BTBD10: variants seen among roughly 807,000 people sequenced by gnomAD.
BTBD10 encodes BTB/POZ domain-containing protein 10.
In BTBD10, 21 loss-of-function variants were observed where a neutral mutation model predicts 53.2. The ratio of observed to expected loss-of-function variants is 0.39; its 90% CI spans 0.28 to 0.57. The LOEUF (loss-of-function observed/expected upper bound fraction) is 0.57, where lower values mean the gene tolerates loss of function less well. Among genes scored for constraint, BTBD10 ranks in the 20% least tolerant of loss-of-function variants. The probability of loss-of-function intolerance (pLI) is 0.53; values close to 1 mark genes in which losing one functional copy is unlikely to be tolerated. For missense variants in BTBD10, 360 were observed against 594.7 expected (o/e 0.61, Z 4.10); for synonymous variants, 149 against 192.7 (o/e 0.77, Z 1.88).
intron 1 of BTBD10, among the ~76,000 whole-genome samples, chr11:13,461,346 A>T (rs1951091427): frequency 6.6e-6 from 1 of 152,176 alleles, no homozygotes; most frequent in South Asian, 2.1e-4. Flanking sequence ...GAGAATGCTG[A>T]AGATGGGGTC....
intron 2 of BTBD10, among the ~76,000 whole-genome samples, chr11:13,437,900 C>T (rs1318547550): frequency 1.3e-5 from 2 of 152,090 alleles, no homozygotes; most frequent in East Asian, 3.8e-4. Context: ...TAAGGTGTTG[C>T]ATGCAGTTCC....
At chr11:13,406,389 T>C (rs1380544411) in intron 6 of BTBD10, among the ~76,000 whole-genome samples, 1 of 152,190 alleles carries the variant, frequency 6.6e-6, no homozygotes, top group Non-Finnish European at 1.5e-5. Flanking sequence ...ACAACTTCAA[T>C]TTCCTAAATG....
In BTBD10 at chr11:13,419,718, C is replaced by T. The variant is rs770677253; in HGVS notation, c.326G>A (p.Arg109His). The T allele has an allele frequency of 4.4e-6, 7 of 1,602,366 alleles. No individual in the cohort carries two copies. Among genetic ancestry groups the T allele is most frequent in the Non-Finnish European group, 6.0e-6 (7 of 1,174,498 alleles). Residue 109 changes from arginine to histidine, a missense_variant, in exon 4 of 9, where the codon CGT becomes CAT. Arg to His is a conservative substitution (Grantham distance 29). Coordinates refer to ENST00000278174, the MANE Select transcript of BTBD10 (RefSeq NM_032320.7). Reference sequence around the variant, plus strand: ...TTTTTGAGGACGCGGACTGCTTGGACGAGAGGAACTGTGATCTTTTTCTCG... The same window carrying T: ...TTTTTGAGGACGCGGACTGCTTGGATGAGAGGAACTGTGATCTTTTTCTCG... ...VEREKDHSSS[R>H]PSSPRPQKAS...
In BTBD10 at chr11:13,389,067, T is replaced by A; in HGVS notation, c.1192A>T (p.Arg398Ter). ...RPEVIYNYVQRPFIRMSWEKE... is the reference protein window; with the variant it reads ...RPEVIYNYVQ ...TCCCAGGACATTCGAATAAAGGGTC[T>A]TTGGACATAGTTGTAGATCACTTCT... Residue 398 changes from arginine to a stop codon, truncating the protein, a stop_gained, in exon 9 of 9, where the codon AGA becomes TGA. Transcript: ENST00000278174. LOFTEE classifies it high-confidence loss of function. The A allele has an allele frequency of 6.2e-7, 1 of 1,614,142 alleles. No individual in the cohort carries two copies. The highest frequency in any genetic ancestry group is 8.5e-7 in the Non-Finnish European group (1 of 1,180,038).
chr11:13,407,501 TG>T (rs1176770805), intron 6 of BTBD10, among the ~76,000 whole-genome samples: 1 of 150,312 alleles, frequency 6.7e-6, no homozygotes, highest in Non-Finnish European at 1.5e-5. Context: ...AGCACAGTGC[TG>T]GGCATATAAT....
At position 13,419,324 on chromosome 11, in the gene BTBD10, C is replaced by T. The variant is rs150755206; in HGVS notation, c.584+136G>A. 10 of 1,178,510 alleles carry T rather than the reference C, an allele frequency of 8.5e-6. No homozygotes were observed. The East Asian group carries it at 2.6e-4, about 31-fold the overall frequency. The allele number at this position is 1,178,510 out of a possible 1,614,324, so 73.0% of individuals were successfully genotyped here. On this transcript the variant is annotated intron_variant, in intron 4 of 8. Transcript: ENST00000278174. Reference sequence around the variant, plus strand: ...TAACTTGGGACAAGTAATTTAGCCTCCAAAGCTCAGTTCTTTCATCTGTAA... The same window carrying T: ...TAACTTGGGACAAGTAATTTAGCCTTCAAAGCTCAGTTCTTTCATCTGTAA...
intron 2 of BTBD10, 134 bp from the exon 3 acceptor site, chr11:13,421,972 C>T (rs1950250384): frequency 9.0e-6 from 6 of 663,102 alleles, no homozygotes; most frequent in Non-Finnish European, 7.0e-6. Context: ...AATTCTGAAA[C>T]CTAATTTACC....
chr11:13,409,571 G>T (rs1054650638), intron 6 of BTBD10, among the ~76,000 whole-genome samples: 1 of 151,538 alleles, frequency 6.6e-6, no homozygotes, highest in African/African-American at 2.4e-5. Flanking sequence ...CTTTTTTTGA[G>T]TACCCTAAAT....
rs144048312 is a variant in BTBD10, at chr11:13,421,691, G to A, written c.249C>T (p.Leu83=). The A allele has an allele frequency of 1.2e-4, 186 of 1,613,916 alleles. No individual in the cohort carries two copies. Among genetic ancestry groups the A allele is most frequent in the Non-Finnish European group, 1.5e-4 (180 of 1,180,000 alleles). ...DSSHERTESQ[L]TPCIRNVTSP... ...AAGTCACATTTCTAATACAAGGAGTGAGCTGAGACTCCGTTCTTTCATGAG... is the reference window on the plus strand; with the variant it reads ...AAGTCACATTTCTAATACAAGGAGTAAGCTGAGACTCCGTTCTTTCATGAG... Residue 83 remains leucine, a synonymous_variant, in exon 3 of 9, where the codon CTC becomes CTT. Coordinates refer to ENST00000278174, the MANE Select transcript of BTBD10 (RefSeq NM_032320.7).
At chr11:13,393,938 T>G (rs368130724) in intron 8 of BTBD10, among the ~76,000 whole-genome samples, 1 of 152,224 alleles carries the variant, frequency 6.6e-6, no homozygotes, top group Non-Finnish European at 1.5e-5. Context: ...GAGATAATGA[T>G]AGCTAACCAA....
intron 2 of BTBD10, chr11:13,440,134 T>G (rs1430071487): frequency 6.6e-7 from 1 of 1,506,158 alleles, no homozygotes; most frequent in Non-Finnish European, 8.9e-7. Context: ...CTCCCTCTAC[T>G]GTGTAATAAT....
chr11:13,425,864 T>G (rs1424314473), intron 2 of BTBD10, among the ~76,000 whole-genome samples: 1 of 152,124 alleles, frequency 6.6e-6, no homozygotes, highest in Non-Finnish European at 1.5e-5. Flanking sequence ...TTATTACATG[T>G]TACATGTCAA....
At chr11:13,452,861 G>A (rs1394392369) in intron 1 of BTBD10, among the ~76,000 whole-genome samples, 1 of 152,136 alleles carries the variant, frequency 6.6e-6, no homozygotes, top group Non-Finnish European at 1.5e-5. Context: ...ATAACACAGT[G>A]CTAGGCACAA....
At position 13,409,252 on chromosome 11, in the gene BTBD10, T is replaced by G. The variant is rs114413250; in HGVS notation, c.809-3396A>C. On this transcript the variant is annotated intron_variant, in intron 6 of 8. Coordinates refer to ENST00000278174, the MANE Select transcript of BTBD10 (RefSeq NM_032320.7). Reference sequence around the variant, plus strand: ...CTGCTTGGAATTTAACATTTTTATTTCCAATGAAAGTTTCTCTGGCTCCTC... The same window carrying G: ...CTGCTTGGAATTTAACATTTTTATTGCCAATGAAAGTTTCTCTGGCTCCTC... 2.2e-3 allele frequency among the ~76,000 whole-genome samples: 331 copies of G among 152,302 alleles called. 1 individual carries two copies. The highest frequency in any genetic ancestry group is 7.6e-3 in the African/African-American group (316 of 41,566).
Position 13,455,211 on chromosome 11 carries a change from C to G in BTBD10, c.-58+7881G>C, listed in dbSNP as rs1950938593. ...TATAGGCATGAGCCACTGCGCCCAG[C>G]CCTGTTGTCCACTTAAAGGGTGATC... On this transcript the variant is annotated intron_variant, in intron 1 of 8. Coordinates refer to ENST00000278174, the MANE Select transcript of BTBD10 (RefSeq NM_032320.7). Among the ~76,000 whole-genome samples, 3 of 152,352 alleles carry G rather than the reference C, an allele frequency of 2.0e-5. 1 individual carries two copies. In the Middle Eastern group the frequency reaches 0.01, roughly 518 times the overall value.
At chr11:13,457,065 G>A (rs904105348) in intron 1 of BTBD10, among the ~76,000 whole-genome samples, 22 of 152,132 alleles carry the variant, frequency 1.4e-4, no homozygotes, top group African/African-American at 5.1e-4. Context: ...GGGAGGCTGA[G>A]GTGGGAGGAT....
intron 2 of BTBD10, among the ~76,000 whole-genome samples, chr11:13,423,821 T>C (rs1259464950): frequency 6.6e-6 from 1 of 152,238 alleles, no homozygotes; most frequent in Non-Finnish European, 1.5e-5. Flanking sequence ...TGACTTTGTA[T>C]TTATCCTGAA....
intron 8 of BTBD10, among the ~76,000 whole-genome samples, chr11:13,390,045 T>G (rs1160099915): frequency 1.3e-5 from 2 of 152,166 alleles, no homozygotes; most frequent in African/African-American, 4.8e-5. Flanking sequence ...TACCTTCCTC[T>G]TTTGGAACAT....
At chr11:13,413,350 T>G (rs1250319685) in intron 6 of BTBD10, among the ~76,000 whole-genome samples, 180 bp downstream of exon 6, 1 of 152,202 alleles carries the variant, frequency 6.6e-6, no homozygotes, top group Non-Finnish European at 1.5e-5. Context: ...TTTGGAAAAT[T>G]GCACAAGGAG....
Sources: gnomAD v4.1 joint callset for allele counts (sites outside exome capture counted in the v4.1 genomes callset) on GRCh38, gnomAD v4.1.1 for gene constraint, MANE v1.5 for transcripts, NCBI Gene and HGNC (gene_info 2026-07-23, HGNC 2026-07-21) for gene names.